Variants in KLHL4 observed in about 807,000 individuals in gnomAD.
KLHL4 encodes the protein kelch like family member 4, also known as kelch-like protein 4.
KLHL4 carries 17 observed loss-of-function variants against 45.8 expected under a neutral mutation model. That is an observed-to-expected ratio of 0.37 (90% CI 0.25 to 0.56). The LOEUF is 0.56. Among genes scored for constraint, KLHL4 ranks in the 20% least tolerant of loss-of-function variants. The probability of loss-of-function intolerance (pLI) is 0.79; values close to 1 mark genes in which losing one functional copy is unlikely to be tolerated. For synonymous variants in KLHL4, 224 were observed against 189.9 expected (o/e 1.18, Z -1.47); for missense variants, 544 against 544.9 (o/e 1.00, Z 0.02).
At chrX:87,623,789 G>C (rs572390817) in intron 5 of KLHL4, among the ~76,000 whole-genome samples, 2 of 111,555 alleles carry the variant, frequency 1.8e-5, no homozygotes, top group African/African-American at 6.5e-5. Flanking sequence ...TTTAGATCCA[G>C]GGTTCTAAAT....
chrX:87,553,801 A>G lies in KLHL4; in HGVS notation c.422+35486A>G, dbSNP rs745871119. On this transcript the variant is annotated intron_variant, in intron 1 of 10. Coordinates refer to ENST00000373119, the MANE Select transcript of KLHL4 (RefSeq NM_019117.5). ...AAAACCTAAATAGCTTCACATGCCT[A>G]TGTCCTGAATGGTAATGCCTAGGTT... Among the ~76,000 whole-genome samples the G allele has an allele frequency of 3.6e-5, 4 of 111,271 alleles. No homozygotes were observed. The East Asian group carries it at 8.5e-4, about 24-fold the overall frequency.
chrX:87,582,961 T>C (rs746865016), intron 1 of KLHL4, among the ~76,000 whole-genome samples: 1 of 111,581 alleles, frequency 9.0e-6, no homozygotes, highest in Non-Finnish European at 1.9e-5. Flanking sequence ...TGTCCTATCA[T>C]AGTGTCGTTT....
chrX:87,588,009 T>G (rs1314097389), intron 1 of KLHL4, among the ~76,000 whole-genome samples: 1 of 111,408 alleles, frequency 9.0e-6, no homozygotes, highest in African/African-American at 3.3e-5. Flanking sequence ...ATGTCAACAG[T>G]GTGAAGAATC....
At position 87,666,712 on chromosome X, in the gene KLHL4, A is replaced by G; in HGVS notation, c.*178A>G. ...CATTCGTGAAGCCGAAACGTTTTTAAACATGAATTACATATGAATTATTAA... is the reference window on the plus strand; with the variant it reads ...CATTCGTGAAGCCGAAACGTTTTTAGACATGAATTACATATGAATTATTAA... On this transcript the variant is annotated 3_prime_UTR_variant, in exon 11 of 11. Coordinates refer to ENST00000373119, the MANE Select transcript of KLHL4 (RefSeq NM_019117.5). 1.0e-6 allele frequency: 1 copy of G among 983,496 alleles called. No individual in the cohort carries two copies. The highest frequency in any genetic ancestry group is 3.9e-5 in the East Asian group (1 of 25,442). 81.1% of individuals were successfully genotyped at this position (983,496 alleles called of 1,213,427 possible). A position where few individuals can be genotyped will look rare whatever the true frequency, so the allele number is the denominator to read the frequency against.
At chrX:87,644,029 T>C (rs1923549502) in intron 9 of KLHL4, among the ~76,000 whole-genome samples, 1 of 111,225 alleles carries the variant, frequency 9.0e-6, no homozygotes, top group African/African-American at 3.3e-5. Context: ...CTCTTCAACA[T>C]GGTACTGGAA....
intron 1 of KLHL4, among the ~76,000 whole-genome samples, chrX:87,613,449 G>A (rs1232422091): frequency 8.9e-6 from 1 of 111,900 alleles, no homozygotes. Context: ...TTTCTGATGT[G>A]TAATGAGTAC....
chrX:87,587,695 C>G, intron 1 of KLHL4, among the ~76,000 whole-genome samples: 1 of 111,234 alleles, frequency 9.0e-6, no homozygotes, highest in South Asian at 3.7e-4. Flanking sequence ...GAACTATTAT[C>G]ATACTGAGTG....
At chrX:87,616,794 A>T (rs914583377) in intron 3 of KLHL4, among the ~76,000 whole-genome samples, 4 of 111,725 alleles carry the variant, frequency 3.6e-5, no homozygotes, top group African/African-American at 1.3e-4. Context: ...CTCATGAGAT[A>T]TGGGCAGGGC....
At chrX:87,587,744 C>T (rs760827579) in intron 1 of KLHL4, among the ~76,000 whole-genome samples, 123 of 111,051 alleles carry the variant, frequency 1.1e-3, no homozygotes, top group Non-Finnish European at 1.5e-3. Context: ...ATCTGGAACA[C>T]GAAAAGTTTA....
At chrX:87,664,117 A>G (rs760470728) in intron 9 of KLHL4, among the ~76,000 whole-genome samples, 1 of 111,693 alleles carries the variant, frequency 9.0e-6, no homozygotes, top group South Asian at 3.7e-4. Flanking sequence ...TGTTAATATT[A>G]CTTACTGAAT....
At chrX:87,644,623 A>G (rs764273707) in intron 9 of KLHL4, among the ~76,000 whole-genome samples, 2 of 111,855 alleles carry the variant, frequency 1.8e-5, no homozygotes, top group Non-Finnish European at 1.9e-5. Context: ...AAGAACAAAT[A>G]TGGAGGCATC....
chrX:87,639,453 G>T (rs4574985), intron 9 of KLHL4, among the ~76,000 whole-genome samples: 11,540 of 110,968 alleles, frequency 0.1, 490 homozygotes, highest in Middle Eastern at 0.2. Context: ...ACAAGTCTCA[G>T]TAAAAGCCAC....
chrX:87,543,753 C>A (rs1931615086), intron 1 of KLHL4, among the ~76,000 whole-genome samples: 1 of 111,141 alleles, frequency 9.0e-6, no homozygotes, highest in African/African-American at 3.3e-5. Context: ...TGCTCTCAGT[C>A]TCTAAACTTG....
At chrX:87,564,459 G>C (rs1304840372) in intron 1 of KLHL4, among the ~76,000 whole-genome samples, 1 of 110,587 alleles carries the variant, frequency 9.0e-6, no homozygotes, top group Non-Finnish European at 1.9e-5. Context: ...TTTAGATCAA[G>C]ACACAAACAG....
intron 8 of KLHL4, 86 bp from the exon 9 acceptor site, chrX:87,635,477 T>C (rs1272433673): frequency 1.5e-6 from 1 of 676,474 alleles, no homozygotes; most frequent in Non-Finnish European, 2.2e-6. Flanking sequence ...TGTACAAAGT[T>C]CTCTCACTCT....
At position 87,558,949 on chromosome X, in the gene KLHL4, G is replaced by A. The variant is rs748754518; in HGVS notation, c.422+40634G>A. On this transcript the variant is annotated intron_variant, in intron 1 of 10. Transcript: ENST00000373119. The stretch of plus-strand genomic sequence containing the variant: ...TAATAAAAACTTTAAAGTCTTTGTT[G>A]GATATTATAGAAGCACACTGTGAAG... Among the ~76,000 whole-genome samples, 3 of 111,878 alleles carry A rather than the reference G, an allele frequency of 2.7e-5. No individual in the cohort carries two copies. The South Asian group carries it at 1.1e-3, about 42-fold the overall frequency.
Position 87,574,364 on chromosome X carries a change from TAAA to T in KLHL4, c.423-39508_423-39506del, listed in dbSNP as rs1921028768. 5.4e-5 allele frequency among the ~76,000 whole-genome samples: 6 copies of T among 111,597 alleles called. No individual in the cohort carries two copies. In the South Asian group the frequency reaches 2.2e-3, roughly 41 times the overall value. On this transcript the variant is annotated intron_variant, in intron 1 of 10. Coordinates refer to ENST00000373119, the MANE Select transcript of KLHL4 (RefSeq NM_019117.5). ...GCTAACAAGAGTTCAAATTATGCTT[TAAA>T]AAAATCAAGTGTTGTTTTTAATTAT...
rs768017798 is a variant in KLHL4 at position 87,562,340 on chromosome X, G to A, written c.422+44025G>A. Among the ~76,000 whole-genome samples, 4 of 110,175 alleles carry A rather than the reference G, an allele frequency of 3.6e-5. No individual in the cohort carries two copies. The East Asian group carries it at 1.2e-3, about 32-fold the overall frequency. ...CCCCAATTCCAGGCCTTAGCTCCTT[G>A]ATGGCATTTATAGACCAAATGTGGG... On this transcript the variant is annotated intron_variant, in intron 1 of 10. Coordinates refer to ENST00000373119, the MANE Select transcript of KLHL4 (RefSeq NM_019117.5).
chrX:87,518,263 G>T lies in KLHL4; in HGVS notation c.370G>T (p.Ala124Ser). Residue 124 changes from alanine to serine, a missense_variant, in exon 1 of 11, where the codon GCA becomes TCA. Ala to Ser is a moderately conservative substitution (Grantham distance 99). Transcript: ENST00000373119. ...NLFKEACEKR[A>S]QDLEMMADDN... is the part of the protein sequence containing the mutation. ...ATTCAAAGAAGCTTGTGAGAAACGC[G>T]CACAAGATTTGGAGATGATGGCTGA... 8.3e-7 allele frequency: 1 copy of T among 1,211,174 alleles called. No homozygotes were observed. The highest frequency in any genetic ancestry group is 1.8e-5 in the South Asian group (1 of 57,004).
Sources: gnomAD v4.1 joint callset for allele counts (sites outside exome capture counted in the v4.1 genomes callset) on GRCh38, gnomAD v4.1.1 for gene constraint, MANE v1.5 for transcripts, NCBI Gene and HGNC (gene_info 2026-07-23, HGNC 2026-07-21) for gene names.